Variants in CADPS2 observed in about 807,000 individuals in gnomAD.
The protein encoded by CADPS2 is calcium dependent secretion activator 2.
CADPS2 carries 93 observed loss-of-function variants against 172.5 expected under a neutral mutation model. The ratio of observed to expected loss-of-function variants is 0.54; its 90% CI spans 0.46 to 0.64. The LOEUF (loss-of-function observed/expected upper bound fraction) is 0.64, where lower values mean the gene tolerates loss of function less well. CADPS2 is among the 30% of genes least tolerant of loss of function. The pLI, the probability that CADPS2 is intolerant of heterozygous loss-of-function variation, is 0.00. For synonymous variants in CADPS2, 546 were observed against 555.2 expected, an observed-to-expected ratio of 0.98 and a Z score of 0.23; for missense variants, 1,420 against 1,565.9, an observed-to-expected ratio of 0.91 and a Z score of 1.57.
At chr7:122,412,978 A>T (rs2047482045) in intron 19 of CADPS2, 1 of 152,258 alleles carries the variant, frequency 6.6e-6, no homozygotes. Flanking sequence ...TCACTCCTGC[A>T]ATTCTACTTA....
At chr7:122,396,037 C>T (rs138127303) in intron 20 of CADPS2, among the ~76,000 whole-genome samples, 1,937 of 152,052 alleles carry the variant, frequency 0.013, 35 homozygotes, top group African/African-American at 0.044. Flanking sequence ...CTCGAACTCC[C>T]GACCTCAGGT....
chr7:122,503,113 C>A (rs944673007), intron 9 of CADPS2, among the ~76,000 whole-genome samples: 1 of 145,926 alleles, frequency 6.9e-6, no homozygotes, highest in African/African-American at 2.5e-5. Context: ...CTCACTGTAA[C>A]CTCTGCCTCC....
At chr7:122,379,597 C>G in intron 24 of CADPS2, 155 bp from the exon 25 acceptor site, 1 of 607,386 alleles carries the variant, frequency 1.6e-6, no homozygotes, top group Non-Finnish European at 3.0e-6. Context: ...AAATGATCCA[C>G]CCAGTCAACA....
At chr7:122,860,740 A>G (rs960330184) in intron 1 of CADPS2, among the ~76,000 whole-genome samples, 4 of 152,090 alleles carry the variant, frequency 2.6e-5, no homozygotes, top group African/African-American at 7.2e-5. Flanking sequence ...CCTGTACCCA[A>G]TACTTTTCCC....
At chr7:122,881,487 GT>G (rs1320986294) in intron 1 of CADPS2, among the ~76,000 whole-genome samples, 4 of 152,114 alleles carry the variant, frequency 2.6e-5, no homozygotes, top group Non-Finnish European at 4.4e-5. Context: ...TTAATACGTG[GT>G]TTCCAACTCA....
At chr7:122,714,251 T>C (rs2089245689) in intron 2 of CADPS2, among the ~76,000 whole-genome samples, 1 of 152,056 alleles carries the variant, frequency 6.6e-6, no homozygotes, top group South Asian at 2.1e-4. Context: ...TCCATAAAAA[T>C]CGAGAAGCAA....
intron 1 of CADPS2, among the ~76,000 whole-genome samples, chr7:122,846,962 G>A (rs762972717): frequency 1.3e-4 from 20 of 152,252 alleles, no homozygotes; most frequent in Non-Finnish European, 2.8e-4. Context: ...CAGTATGCCC[G>A]GCAGCAGATC....
intron 6 of CADPS2, among the ~76,000 whole-genome samples, chr7:122,582,722 C>T (rs1370965657): frequency 6.6e-6 from 1 of 151,878 alleles, no homozygotes; most frequent in East Asian, 1.9e-4. Context: ...CATGACATAC[C>T]CTTTTAAATT....
At chr7:122,602,953 T>C (rs568313611) in intron 6 of CADPS2, among the ~76,000 whole-genome samples, 2 of 152,200 alleles carry the variant, frequency 1.3e-5, no homozygotes, top group East Asian at 3.9e-4. Context: ...ATTAACATGG[T>C]GCCAACATGG....
rs1323765881 is a variant in CADPS2 at position 122,438,445 on chromosome 7, G to A, written c.2372C>T (p.Ala791Val). Reference sequence around the variant, plus strand: ...CACCTCTTCTGCTGGTATGGGAGTGGCAATATCTTTCATTAAAACCTACAG... The same window carrying A: ...CACCTCTTCTGCTGGTATGGGAGTGACAATATCTTTCATTAAAACCTACAG... The part of the protein sequence containing the change: ...LLERVLMKDI[A>V]TPIPAEEVKK... Residue 791 changes from alanine (A) to valine (V), a missense_variant, in exon 17 of 30, where the codon GCC (alanine) becomes GTC (valine). Transcript: ENST00000449022. 18 of 1,612,604 alleles carry A rather than the reference G, an allele frequency of 1.1e-5. No individual in the cohort carries two copies. Among genetic ancestry groups the A allele is most frequent in the Non-Finnish European group, 1.4e-5 (17 of 1,179,204 alleles).
intron 1 of CADPS2, among the ~76,000 whole-genome samples, chr7:122,810,414 T>C (rs1439250614): frequency 6.6e-6 from 1 of 152,194 alleles, no homozygotes; most frequent in African/African-American, 2.4e-5. Context: ...ATTTTTATAT[T>C]GCTCATAGCA....
At chr7:122,789,486 T>C (rs1189966010) in intron 1 of CADPS2, among the ~76,000 whole-genome samples, 3 of 152,176 alleles carry the variant, frequency 2.0e-5, no homozygotes, top group Admixed American at 6.5e-5. Flanking sequence ...TTAAGGAATA[T>C]AAAAAGCTCA....
intron 3 of CADPS2, among the ~76,000 whole-genome samples, chr7:122,641,693 C>T (rs1394300696): frequency 6.6e-6 from 1 of 152,056 alleles, no homozygotes; most frequent in East Asian, 1.9e-4. Flanking sequence ...TTTCTAAATT[C>T]TTTGTAAAGG....
intron 2 of CADPS2, among the ~76,000 whole-genome samples, chr7:122,691,688 C>T: frequency 6.6e-6 from 1 of 152,220 alleles, no homozygotes; most frequent in East Asian, 1.9e-4. Context: ...GCAGACTGTT[C>T]CTGGCTCTCT....
chr7:122,332,152 C>T (rs568031665), intron 28 of CADPS2: 4 of 152,212 alleles, frequency 2.6e-5, no homozygotes, highest in African/African-American at 7.2e-5. Flanking sequence ...AATCCAATAA[C>T]GTAATATACA....
chr7:122,852,381 A>C (rs922832861), intron 1 of CADPS2, among the ~76,000 whole-genome samples: 1 of 152,212 alleles, frequency 6.6e-6, no homozygotes, highest in East Asian at 1.9e-4. Flanking sequence ...GCTTACATTT[A>C]TGTGTGTCAA....
At chr7:122,869,460 C>G (rs1819182896) in intron 1 of CADPS2, among the ~76,000 whole-genome samples, 1 of 151,792 alleles carries the variant, frequency 6.6e-6, no homozygotes, top group African/African-American at 2.4e-5. Context: ...AACAAAACTG[C>G]CAATAGTATT....
intron 2 of CADPS2, among the ~76,000 whole-genome samples, chr7:122,692,831 TTCTC>T (rs1371495241): frequency 6.6e-6 from 1 of 152,218 alleles, no homozygotes; most frequent in African/African-American, 2.4e-5. Flanking sequence ...TCACGCACTG[TTCTC>T]TCTGTCTTGG....
At position 122,821,448 on chromosome 7, in the gene CADPS2, G is replaced by A. The variant is rs545258588; in HGVS notation, c.339+64551C>T. Reference sequence around the variant, plus strand: ...CCCTTCCCTACACATCAAGCTCAAGGATTTGCCCCACCCAGGACTGGCAAA... The same window carrying A: ...CCCTTCCCTACACATCAAGCTCAAGAATTTGCCCCACCCAGGACTGGCAAA... On this transcript the variant is annotated intron_variant, in intron 1 of 29. Transcript: ENST00000449022. Among the ~76,000 whole-genome samples, 82 of 152,204 alleles carry A rather than the reference G, an allele frequency of 5.4e-4. 1 individual carries two copies. Among genetic ancestry groups the A allele is most frequent in the Middle Eastern group, 3.4e-3 (1 of 294 alleles).
Sources: allele counts gnomAD v4.1 joint callset (sites outside exome capture counted in the v4.1 genomes callset), GRCh38; gene constraint gnomAD v4.1.1; transcripts MANE v1.5; gene names NCBI Gene and HGNC (gene_info 2026-07-23, HGNC 2026-07-21).